THRAP3: variants seen among roughly 807,000 people sequenced by gnomAD.
The protein encoded by THRAP3 is thyroid hormone receptor-associated protein 3.
THRAP3 carries 16 observed loss-of-function variants against 101.0 expected under a neutral mutation model. The observed-to-expected ratio is 0.16, with a 90% CI of 0.11 to 0.24. THRAP3 has a LOEUF of 0.24. Ranked by LOEUF, THRAP3 falls within the 10% of genes least tolerant of loss-of-function variation. The pLI is 1.00. For missense variants in THRAP3, 989 were observed against 1,202.7 expected, an observed-to-expected ratio of 0.82 and a Z score of 2.63; for synonymous variants, 407 against 422.6, an observed-to-expected ratio of 0.96 and a Z score of 0.45.
intron 2 of THRAP3, among the ~76,000 whole-genome samples, chr1:36,276,111 A>T (rs1306080415): frequency 1.3e-5 from 2 of 152,130 alleles, no homozygotes; most frequent in African/African-American, 4.8e-5. Flanking sequence ...GAAAACCCTT[A>T]CAAGAAAACC....
chr1:36,226,406 T>A (rs1428468183), intron 1 of THRAP3, among the ~76,000 whole-genome samples: 1 of 152,126 alleles, frequency 6.6e-6, no homozygotes, highest in Non-Finnish European at 1.5e-5. Flanking sequence ...ATTACAGGTG[T>A]GTGTCACCAC....
chr1:36,233,313 C>T (rs1356637626), intron 1 of THRAP3, among the ~76,000 whole-genome samples: 1 of 151,600 alleles, frequency 6.6e-6, no homozygotes, highest in African/African-American at 2.4e-5. Flanking sequence ...CAAGACCATC[C>T]TGGCTAACAT....
At chr1:36,255,197 C>G (rs1645357306) in intron 1 of THRAP3, among the ~76,000 whole-genome samples, 1 of 152,056 alleles carries the variant, frequency 6.6e-6, no homozygotes, top group African/African-American at 2.4e-5. Flanking sequence ...TATCATCATG[C>G]TTTTGAAACA....
At chr1:36,259,090 T>G (rs1645411668) in intron 1 of THRAP3, among the ~76,000 whole-genome samples, 1 of 152,238 alleles carries the variant, frequency 6.6e-6, no homozygotes, top group South Asian at 2.1e-4. Flanking sequence ...TTGAGTTTTG[T>G]GGAGCTTGTG....
chr1:36,223,740 A>C (rs1311098052), upstream of THRAP3, among the ~76,000 whole-genome samples: 2 of 152,184 alleles, frequency 1.3e-5, no homozygotes, highest in African/African-American at 4.8e-5. Context: ...CCATTTTAAC[A>C]AACTTCCCAG....
upstream of THRAP3, among the ~76,000 whole-genome samples, chr1:36,220,752 G>C (rs914368380): frequency 1.3e-5 from 2 of 151,698 alleles, no homozygotes; most frequent in African/African-American, 4.8e-5. Context: ...TGAGGAGTTC[G>C]GAACCAGCCT....
chr1:36,216,481 G>A, the THRAP3 span, among the ~76,000 whole-genome samples: 443 of 139,846 alleles, frequency 3.2e-3, 1 homozygote, highest in Non-Finnish European at 5.8e-3. Context: ...GGGTGAAAGA[G>A]TGAGACTCCG....
chr1:36,305,131 G>A lies in THRAP3; in HGVS notation c.*1114G>A. 4.6e-6 allele frequency: 1 copy of A among 217,892 alleles called. No homozygotes were observed. Among genetic ancestry groups the A allele is most frequent in the Non-Finnish European group, 9.2e-6 (1 of 108,338 alleles). 13.5% of individuals were successfully genotyped at this position (217,892 alleles called of 1,614,324 possible). A position where few individuals can be genotyped will look rare whatever the true frequency, so the allele number is the denominator to read the frequency against. On this transcript the variant is annotated 3_prime_UTR_variant, in exon 12 of 12. Coordinates refer to ENST00000354618, the MANE Select transcript of THRAP3 (RefSeq NM_005119.4). ...CTTCTGGGGAGGCGGTCCTGAGCAG[G>A]TGAATCATAAGGCATTTATGCATAT...
In THRAP3 at chr1:36,286,050, A is replaced by G. The variant is rs918710438; in HGVS notation, c.138-318A>G. ...TGTAAGCTATTATTATGGTATATTA[A>G]AATGGTCTTTGTGTGGTTTACTACC... On this transcript the variant is annotated intron_variant, in intron 3 of 11. Transcript: ENST00000354618. This position sits in a 1 kb window ranked among gnomAD's most constrained non-coding sequence, Gnocchi z 5.5. 6.6e-6 allele frequency among the ~76,000 whole-genome samples: 1 copy of G among 152,190 alleles called. No homozygotes were observed. Among genetic ancestry groups the G allele is most frequent in the African/African-American group, 2.4e-5 (1 of 41,424 alleles).
At chr1:36,228,225 T>G (rs914691625) in intron 1 of THRAP3, among the ~76,000 whole-genome samples, 8 of 151,518 alleles carry the variant, frequency 5.3e-5, no homozygotes, top group African/African-American at 1.5e-4. Context: ...TTTTTGTATT[T>G]TTTTTTCTTG....
intron 2 of THRAP3, among the ~76,000 whole-genome samples, chr1:36,259,935 A>G (rs1645423217): frequency 6.6e-6 from 1 of 152,064 alleles, no homozygotes; most frequent in South Asian, 2.1e-4. Context: ...TTACTTGGAT[A>G]TATACTTGTT....
intron 1 of THRAP3, among the ~76,000 whole-genome samples, chr1:36,243,927 AC>A (rs1156856956): frequency 2.9e-5 from 3 of 102,074 alleles, no homozygotes; most frequent in East Asian, 3.3e-4. Flanking sequence ...CGGGGGGCTG[AC>A]CCCCCCACCT....
intron 1 of THRAP3, among the ~76,000 whole-genome samples, chr1:36,243,855 G>A (rs1645196747): frequency 6.9e-6 from 1 of 145,700 alleles, no homozygotes; most frequent in African/African-American, 2.5e-5. Flanking sequence ...CCCGGACGGG[G>A]CGGCTGGCCG....
chr1:36,280,316 A>G (rs1468714452), intron 2 of THRAP3, among the ~76,000 whole-genome samples: 1 of 152,242 alleles, frequency 6.6e-6, no homozygotes, highest in African/African-American at 2.4e-5. Flanking sequence ...ACAGCACTAA[A>G]TAAAGAAAGA....
At position 36,245,441 on chromosome 1, in the gene THRAP3, T is replaced by C. The variant is rs1403932448; in HGVS notation, c.-134-13941T>C. Among the ~76,000 whole-genome samples, 7 of 152,268 alleles carry C rather than the reference T, an allele frequency of 4.6e-5. No homozygotes were observed. In the East Asian group the frequency reaches 5.8e-4, roughly 13 times the overall value. The stretch of plus-strand genomic sequence containing the variant: ...ACCTCAGCCTCCCAGAGTGCTGGGA[T>C]TTTAGATGTGAGCCACCACGCCTGG... On this transcript the variant is annotated intron_variant, in intron 1 of 11. Coordinates refer to ENST00000354618, the MANE Select transcript of THRAP3 (RefSeq NM_005119.4).
chr1:36,295,402 C>T lies in THRAP3; in HGVS notation c.2116-1181C>T, dbSNP rs1217826237. 3.3e-5 allele frequency among the ~76,000 whole-genome samples: 5 copies of T among 152,196 alleles called. No homozygotes were observed. In the South Asian group the frequency reaches 8.3e-4, roughly 25 times the overall value. On this transcript the variant is annotated intron_variant, in intron 8 of 11. Transcript: ENST00000354618. ...AGACAAATCCTAGTGTGGGATGTCC[C>T]GGAACTACCATGCACCTTTGCCCCA... is the stretch of plus-strand genomic sequence containing the variant.
In THRAP3 at chr1:36,289,366, A is replaced by T; in HGVS notation, c.1347A>T (p.Glu449Asp). The T allele has an allele frequency of 4.3e-6, 7 of 1,614,184 alleles. No homozygotes were observed. The highest frequency in any genetic ancestry group is 5.9e-6 in the Non-Finnish European group (7 of 1,180,032). The change falls in exon 5 of 12, where the codon GAA (glutamate) becomes GAT (aspartate). Residue 449 changes from glutamate to aspartate, a missense_variant. Coordinates refer to ENST00000354618, the MANE Select transcript of THRAP3 (RefSeq NM_005119.4). ...GAAAGGAATCTGAGTTTGATGATGAACCCAAATTTATGTCTAAAGTCATAG... is the reference window on the plus strand; with the variant it reads ...GAAAGGAATCTGAGTTTGATGATGATCCCAAATTTATGTCTAAAGTCATAG... ...KGRKESEFDD[E>D]PKFMSKVIGA...
chr1:36,211,828 T>C, the THRAP3 span, among the ~76,000 whole-genome samples: 138 of 152,286 alleles, frequency 9.1e-4, no homozygotes, highest in Middle Eastern at 6.8e-3. Context: ...CTCTCTTCCA[T>C]AGGTGGCCCT....
intron 1 of THRAP3, among the ~76,000 whole-genome samples, chr1:36,233,567 A>G (rs1645052989): frequency 6.6e-6 from 1 of 151,382 alleles, no homozygotes; most frequent in Middle Eastern, 3.5e-3. Flanking sequence ...TAGCCTGGGC[A>G]TGGGCAACAT....
Sources: allele counts gnomAD v4.1 joint callset (sites outside exome capture counted in the v4.1 genomes callset), GRCh38; gene constraint gnomAD v4.1.1; non-coding constraint Gnocchi (gnomAD v3.1); transcripts MANE v1.5; gene names NCBI Gene and HGNC (gene_info 2026-07-23, HGNC 2026-07-21).